The following LHFPL3 variants were observed in gnomAD, a reference collection of about 807,000 sequenced individuals.
The protein encoded by LHFPL3 is LHFPL tetraspan subfamily member 3, also known as LHFPL tetraspan subfamily member 3 protein.
In LHFPL3, 5 loss-of-function variants were observed where a neutral mutation model predicts 19.3. The ratio of observed to expected loss-of-function variants is 0.26; its 90% CI spans 0.14 to 0.54. The LOEUF (loss-of-function observed/expected upper bound fraction) is 0.54, where lower values mean the gene tolerates loss of function less well. Among genes scored for constraint, LHFPL3 ranks in the 20% least tolerant of loss-of-function variants. The probability of loss-of-function intolerance (pLI) is 0.94; values close to 1 mark genes in which losing one functional copy is unlikely to be tolerated. For missense variants in LHFPL3, 249 were observed against 307.4 expected (o/e 0.81, Z 1.42); for synonymous variants, 133 against 126.2 (o/e 1.05, Z -0.36).
At chr7:104,587,541 T>C (rs554391000) in intron 1 of LHFPL3, among the ~76,000 whole-genome samples, 58 of 152,292 alleles carry the variant, frequency 3.8e-4, no homozygotes, top group African/African-American at 1.3e-3. Context: ...TGGGTTGGTT[T>C]CAAGTCTTTG....
rs187023443 is a variant in LHFPL3 at position 104,463,182 on chromosome 7, A to G, written c.445+133958A>G. ...TATCTTATTACATTTTTCAAAAAAC[A>G]AACTCTGTGATTCATTGATCTCTTG... is the stretch of plus-strand genomic sequence containing the variant. On this transcript the variant is annotated intron_variant, in intron 1 of 2. Transcript: ENST00000424859. Among the ~76,000 whole-genome samples, 137 of 152,300 alleles carry G rather than the reference A, an allele frequency of 9.0e-4. 1 individual carries two copies. The highest frequency in any genetic ancestry group is 3.2e-3 in the African/African-American group (134 of 41,572).
chr7:104,390,665 G>A (rs1157756956), intron 1 of LHFPL3, among the ~76,000 whole-genome samples: 1 of 152,202 alleles, frequency 6.6e-6, no homozygotes, highest in South Asian at 2.1e-4. Context: ...TGTCTTTATA[G>A]CAGCATGATT....
intron 1 of LHFPL3, among the ~76,000 whole-genome samples, chr7:104,606,581 C>T (rs1047408270): frequency 1.3e-5 from 2 of 152,166 alleles, no homozygotes; most frequent in African/African-American, 2.4e-5. Context: ...CAAGTGAGAT[C>T]CTATATGAGA....
chr7:104,849,920 GTTA>G (rs936965443), intron 2 of LHFPL3, among the ~76,000 whole-genome samples: 1 of 152,228 alleles, frequency 6.6e-6, no homozygotes, highest in African/African-American at 2.4e-5. Flanking sequence ...ATATTTAGAT[GTTA>G]TGGCTGGCTT....
chr7:104,505,746 T>C (rs1427317544), intron 1 of LHFPL3, among the ~76,000 whole-genome samples: 1 of 152,234 alleles, frequency 6.6e-6, no homozygotes, highest in Non-Finnish European at 1.5e-5. Context: ...ATGCAATTAA[T>C]GGAATTAGTC....
chr7:104,566,299 C>G (rs980190702), intron 1 of LHFPL3, among the ~76,000 whole-genome samples: 1 of 152,048 alleles, frequency 6.6e-6, no homozygotes, highest in African/African-American at 2.4e-5. Context: ...TGCAGTGAGT[C>G]GTAACCACAT....
intron 1 of LHFPL3, among the ~76,000 whole-genome samples, chr7:104,480,743 G>A (rs992770998): frequency 1.3e-5 from 2 of 152,170 alleles, no homozygotes; most frequent in Non-Finnish European, 2.9e-5. Flanking sequence ...GAAGAGGTCC[G>A]TGCATAAAAC....
chr7:104,896,635 G>C (rs1422307044), intron 2 of LHFPL3, among the ~76,000 whole-genome samples: 1 of 152,232 alleles, frequency 6.6e-6, no homozygotes, highest in Non-Finnish European at 1.5e-5. Flanking sequence ...CCCAGAGGTG[G>C]AGCAAAGGCC....
At chr7:104,804,379 TG>T (rs1391729973) in intron 2 of LHFPL3, among the ~76,000 whole-genome samples, 1 of 152,194 alleles carries the variant, frequency 6.6e-6, no homozygotes, top group African/African-American at 2.4e-5. Context: ...GAAAAAACAA[TG>T]GATGTCTGCC....
chr7:104,330,118 G>A (rs986859219), intron 1 of LHFPL3, among the ~76,000 whole-genome samples: 1 of 152,196 alleles, frequency 6.6e-6, no homozygotes, highest in African/African-American at 2.4e-5. Context: ...AAAGGATGGG[G>A]TACATTTCCT....
At chr7:104,812,069 G>T (rs1790479738) in intron 2 of LHFPL3, among the ~76,000 whole-genome samples, 1 of 152,154 alleles carries the variant, frequency 6.6e-6, no homozygotes, top group Admixed American at 6.5e-5. Context: ...AGAACTCAGG[G>T]CTTTTCTTGG....
chr7:104,883,146 A>G (rs1487094613), intron 2 of LHFPL3, among the ~76,000 whole-genome samples: 1 of 152,240 alleles, frequency 6.6e-6, no homozygotes, highest in Non-Finnish European at 1.5e-5. Context: ...AGAAAAAGCA[A>G]AGAGAAACTA....
chr7:104,796,911 C>T (rs576537977), intron 2 of LHFPL3: 2 of 152,764 alleles, frequency 1.3e-5, no homozygotes, highest in East Asian at 3.9e-4. Flanking sequence ...TTCTCGCACA[C>T]ATCCAGGGAA....
chr7:104,516,652 C>G (rs2115790288), intron 1 of LHFPL3, among the ~76,000 whole-genome samples: 1 of 152,158 alleles, frequency 6.6e-6, no homozygotes, highest in Non-Finnish European at 1.5e-5. Flanking sequence ...ATAACAGATG[C>G]TGGCGAGGTT....
At chr7:104,453,650 G>A (rs142808100) in intron 1 of LHFPL3, among the ~76,000 whole-genome samples, 3 of 152,216 alleles carry the variant, frequency 2.0e-5, no homozygotes, top group African/African-American at 7.2e-5. Flanking sequence ...AAATCTCATG[G>A]TGCATGTAAT....
intron 2 of LHFPL3, among the ~76,000 whole-genome samples, chr7:104,788,668 T>A (rs922344743): frequency 1.3e-5 from 2 of 152,186 alleles, no homozygotes; most frequent in Non-Finnish European, 2.9e-5. Flanking sequence ...GACTTCCTCA[T>A]GTGAAAGCTG....
chr7:104,562,894 T>A (rs1400095873), intron 1 of LHFPL3, among the ~76,000 whole-genome samples: 1 of 152,036 alleles, frequency 6.6e-6, no homozygotes, highest in African/African-American at 2.4e-5. Flanking sequence ...TAGTTTTCCT[T>A]CTAACAGAGA....
chr7:104,540,397 T>C (rs932996607), intron 1 of LHFPL3, among the ~76,000 whole-genome samples: 3 of 152,170 alleles, frequency 2.0e-5, no homozygotes, highest in Non-Finnish European at 4.4e-5. Flanking sequence ...TTTTTCATTG[T>C]CATAACTAGG....
chr7:104,411,040 A>G (rs1791525368), intron 1 of LHFPL3, among the ~76,000 whole-genome samples: 1 of 152,228 alleles, frequency 6.6e-6, no homozygotes, highest in African/African-American at 2.4e-5. Context: ...TATAGAAAGC[A>G]CATTAACTAT....
Sources: allele counts gnomAD v4.1 joint callset (sites outside exome capture counted in the v4.1 genomes callset), GRCh38; gene constraint gnomAD v4.1.1; transcripts MANE v1.5; gene names NCBI Gene and HGNC (gene_info 2026-07-23, HGNC 2026-07-21).